RANBP17: variants seen among roughly 807,000 people sequenced by gnomAD.
The protein encoded by RANBP17 is ran-binding protein 17.
Under a neutral mutation model 141.2 loss-of-function variants are expected in RANBP17, and 158 were observed. The observed-to-expected ratio is 1.12, with a 90% CI of 0.98 to 1.28. RANBP17 has a LOEUF of 1.28. Among genes scored for constraint, RANBP17 ranks in the 50% most tolerant of loss-of-function variants. The probability of loss-of-function intolerance (pLI) is 0.00; values close to 1 mark genes in which losing one functional copy is unlikely to be tolerated. For missense variants in RANBP17, 1,438 were observed against 1,290.7 expected (o/e 1.11, Z -1.75); for synonymous variants, 430 against 450.0 (o/e 0.96, Z 0.56).
In RANBP17 at chr5:170,986,690, G is replaced by A. The variant is rs544375060; in HGVS notation, c.1710+18313G>A. Among the ~76,000 whole-genome samples the A allele has an allele frequency of 2.0e-5, 3 of 151,870 alleles. No homozygotes were observed. In the East Asian group the frequency reaches 5.8e-4, roughly 29 times the overall value. ...AACGGGGAATTATCTAAACTTTCAA[G>A]CTTTATCTGTGTATATGGATTTCTA... On this transcript the variant is annotated intron_variant, in intron 14 of 27. Coordinates refer to ENST00000523189, the MANE Select transcript of RANBP17 (RefSeq NM_022897.5).
At chr5:171,121,817 C>A (rs549072420) in intron 14 of RANBP17, among the ~76,000 whole-genome samples, 110 of 152,246 alleles carry the variant, frequency 7.2e-4, no homozygotes, top group African/African-American at 2.6e-3. Context: ...TAGTTACTCA[C>A]CCCCACCACA....
intron 5 of RANBP17, among the ~76,000 whole-genome samples, chr5:170,909,240 A>C (rs761666072): frequency 6.6e-6 from 1 of 151,922 alleles, no homozygotes; most frequent in African/African-American, 2.4e-5. Context: ...TATATGGTAC[A>C]TATAGGAATA....
chr5:170,952,767 T>C (rs868674609), intron 12 of RANBP17, among the ~76,000 whole-genome samples: 3 of 152,094 alleles, frequency 2.0e-5, no homozygotes, highest in Non-Finnish European at 4.4e-5. Context: ...AAATTTGTTT[T>C]TAGCAAGATA....
At chr5:171,091,828 C>G (rs999000258) in intron 14 of RANBP17, among the ~76,000 whole-genome samples, 1 of 152,162 alleles carries the variant, frequency 6.6e-6, no homozygotes, top group Non-Finnish European at 1.5e-5. Context: ...GTGAGGCCTC[C>G]TCAGCCACAT....
At chr5:171,109,854 T>C (rs1755096897) in intron 14 of RANBP17, among the ~76,000 whole-genome samples, 1 of 152,152 alleles carries the variant, frequency 6.6e-6, no homozygotes, top group Admixed American at 6.6e-5. Context: ...TTGAGTATAT[T>C]GTGTACATCA....
intron 14 of RANBP17, among the ~76,000 whole-genome samples, chr5:170,969,476 G>C (rs941261599): frequency 2.6e-5 from 4 of 151,924 alleles, no homozygotes; most frequent in Non-Finnish European, 5.9e-5. Flanking sequence ...AATCCCAGAT[G>C]TGATACTTGA....
intron 14 of RANBP17, among the ~76,000 whole-genome samples, chr5:171,035,530 C>G (rs767480287): frequency 6.8e-6 from 1 of 146,114 alleles, no homozygotes; most frequent in Admixed American, 6.8e-5. Flanking sequence ...TTGTGGAGGT[C>G]TAGAGTTTTT....
chr5:171,183,249 A>G lies in RANBP17; in HGVS notation c.1929+19A>G. Reference sequence around the variant, plus strand: ...CCACACGGTAAGTCTTATTTCTTTAATTAATGAATAACATTTTACGAATAG... The same window carrying G: ...CCACACGGTAAGTCTTATTTCTTTAGTTAATGAATAACATTTTACGAATAG... On this transcript the variant is annotated intron_variant, in intron 17 of 27. Coordinates refer to ENST00000523189, the MANE Select transcript of RANBP17 (RefSeq NM_022897.5). The G allele has an allele frequency of 6.3e-7, 1 of 1,589,630 alleles. No individual in the cohort carries two copies. The highest frequency in any genetic ancestry group is 1.1e-5 in the South Asian group (1 of 90,520).
chr5:171,228,900 C>T (rs1764035244), intron 22 of RANBP17, among the ~76,000 whole-genome samples: 1 of 151,724 alleles, frequency 6.6e-6, no homozygotes, highest in South Asian at 2.1e-4. Context: ...GACTACAGTA[C>T]AGTGTAAACT....
chr5:171,105,199 G>A (rs933105628), intron 14 of RANBP17, among the ~76,000 whole-genome samples: 7 of 150,048 alleles, frequency 4.7e-5, no homozygotes, highest in Non-Finnish European at 1.0e-4. Context: ...CGGCTAAAAC[G>A]GTGAAACCCC....
chr5:170,924,213 T>C, intron 11 of RANBP17, 144 bp from the exon 12 acceptor site: 1 of 526,378 alleles, frequency 1.9e-6, no homozygotes, highest in Non-Finnish European at 3.2e-6. Context: ...CTGACTGGTC[T>C]CAAACTCCTG....
Position 171,137,950 on chromosome 5 carries a change from GATAT to G in RANBP17, c.1711-32162_1711-32159del, listed in dbSNP as rs67832819. Among the ~76,000 whole-genome samples the G allele has an allele frequency of 4.7e-3, 680 of 144,810 alleles. 5 individuals are homozygous for G. Among genetic ancestry groups the G allele is most frequent in the South Asian group, 0.025 (116 of 4,562 alleles). ...TATCTATAAGTAGTGTGATATATGA[GATAT>G]ATATATATATATATATACACACACA... On this transcript the variant is annotated intron_variant, in intron 14 of 27. Transcript: ENST00000523189.
At chr5:170,946,329 TAGG>T (rs1385660532) in intron 12 of RANBP17, among the ~76,000 whole-genome samples, 2 of 152,132 alleles carry the variant, frequency 1.3e-5, no homozygotes, top group African/African-American at 4.8e-5. Context: ...TAATTTACAA[TAGG>T]AGATTTTAAA....
At chr5:171,185,800 C>T (rs547693433) in intron 18 of RANBP17, among the ~76,000 whole-genome samples, 1 of 152,300 alleles carries the variant, frequency 6.6e-6, no homozygotes, top group African/African-American at 2.4e-5. Context: ...ATATTATGAC[C>T]TCCCCACTGA....
At chr5:170,891,613 T>G (rs1307296989) in intron 3 of RANBP17, among the ~76,000 whole-genome samples, 1 of 152,212 alleles carries the variant, frequency 6.6e-6, no homozygotes, top group Middle Eastern at 3.4e-3. Context: ...AAACTTCCAA[T>G]TATGGCAGTA....
In RANBP17 at chr5:170,953,700, T is replaced by G. The variant is rs766415071; in HGVS notation, c.1572T>G (p.Cys524Trp). ...ATGCTATGGATGGAGAATTATCCTGTCGGTAAGTAAGAGCTATGTAATTTA... is the reference window on the plus strand; with the variant it reads ...ATGCTATGGATGGAGAATTATCCTGGCGGTAAGTAAGAGCTATGTAATTTA... Reference protein sequence around the residue: ...EHDAMDGELSCRVFQLISLMD... With the variant: ...EHDAMDGELSWRVFQLISLMD... The change falls in exon 13 of 28, where the codon TGT (cysteine) becomes TGG (tryptophan). Residue 524 changes from cysteine (C) to tryptophan (W), a missense_variant and splice_region_variant. Transcript: ENST00000523189. The G allele has an allele frequency of 6.3e-7, 1 of 1,576,952 alleles. No homozygotes were observed. The highest frequency in any genetic ancestry group is 8.7e-7 in the Non-Finnish European group (1 of 1,148,342).
chr5:171,187,173 G>T (rs957648611), intron 18 of RANBP17, among the ~76,000 whole-genome samples: 1 of 152,138 alleles, frequency 6.6e-6, no homozygotes, highest in African/African-American at 2.4e-5. Flanking sequence ...CAAAGGAATG[G>T]CCGGTTTGTG....
chr5:171,067,356 A>C (rs1404318100), intron 14 of RANBP17, among the ~76,000 whole-genome samples: 1 of 152,130 alleles, frequency 6.6e-6, no homozygotes, highest in Non-Finnish European at 1.5e-5. Context: ...TCTTGTTAAC[A>C]TATATTTACA....
At chr5:170,964,385 TG>T (rs200036491) in intron 13 of RANBP17, among the ~76,000 whole-genome samples, 2,848 of 151,106 alleles carry the variant, frequency 0.019, 81 homozygotes, top group African/African-American at 0.062. Context: ...AATGTTTTTT[TG>T]TTGTTGTTGT....
Sources: gnomAD v4.1 joint callset for allele counts (sites outside exome capture counted in the v4.1 genomes callset) on GRCh38, gnomAD v4.1.1 for gene constraint, MANE v1.5 for transcripts, NCBI Gene and HGNC (gene_info 2026-07-23, HGNC 2026-07-21) for gene names.